Variants in DLG2 observed in about 807,000 individuals in gnomAD.
DLG2 encodes the protein disks large homolog 2.
Under a neutral mutation model 132.5 loss-of-function variants are expected in DLG2, and 45 were observed. That is an observed-to-expected ratio of 0.34 (90% confidence interval 0.27 to 0.44). The LOEUF (loss-of-function observed/expected upper bound fraction) is 0.44. DLG2 is among the 20% of genes least tolerant of loss of function. The pLI, the probability that DLG2 is intolerant of heterozygous loss-of-function variation, is 1.00. For synonymous variants in DLG2, 424 were observed against 419.6 expected (o/e 1.01, Z -0.13); for missense variants, 1,045 against 1,196.9 (o/e 0.87, Z 1.87).
intron 10 of DLG2, among the ~76,000 whole-genome samples, chr11:84,086,262 A>C (rs1221562553): frequency 6.6e-6 from 1 of 152,176 alleles, no homozygotes; most frequent in East Asian, 1.9e-4. Context: ...AGCTTTCTGA[A>C]ACTAGGAAAA....
intron 12 of DLG2, among the ~76,000 whole-genome samples, chr11:83,968,486 T>C (rs905487915): frequency 6.6e-6 from 1 of 152,236 alleles, no homozygotes; most frequent in African/African-American, 2.4e-5. Flanking sequence ...CTGTTATGTG[T>C]CAGACTCTGG....
chr11:85,293,635 C>T (rs1187634155), intron 3 of DLG2, among the ~76,000 whole-genome samples: 2 of 151,998 alleles, frequency 1.3e-5, no homozygotes, highest in Non-Finnish European at 2.9e-5. Flanking sequence ...AAAAGAAAAG[C>T]TTATGAACTA....
intron 7 of DLG2, among the ~76,000 whole-genome samples, chr11:84,371,372 C>T (rs1276469369): frequency 6.6e-6 from 1 of 151,820 alleles, no homozygotes; most frequent in Non-Finnish European, 1.5e-5. Context: ...CCTCCCACCT[C>T]AACCTCCCAA....
intron 6 of DLG2, among the ~76,000 whole-genome samples, chr11:84,693,741 C>T (rs1195208251): frequency 6.6e-6 from 1 of 151,638 alleles, no homozygotes; most frequent in African/African-American, 2.4e-5. Context: ...GAACACTGTA[C>T]TTGCACCATA....
intron 3 of DLG2, among the ~76,000 whole-genome samples, chr11:85,359,388 AT>A (rs2083974612): frequency 6.6e-6 from 1 of 152,246 alleles, no homozygotes; most frequent in South Asian, 2.1e-4. Context: ...AAAGGGAAAA[AT>A]AATTGTATTT....
intron 11 of DLG2, among the ~76,000 whole-genome samples, chr11:83,995,806 C>A (rs778306577): frequency 3.9e-5 from 6 of 152,202 alleles, no homozygotes; most frequent in African/African-American, 1.4e-4. Flanking sequence ...TAACTATTGC[C>A]ATATACAAAA....
chr11:84,689,346 G>A (rs1460743525), intron 6 of DLG2, among the ~76,000 whole-genome samples: 2 of 151,596 alleles, frequency 1.3e-5, no homozygotes, highest in African/African-American at 4.8e-5. Flanking sequence ...TACTTTGAAT[G>A]TATTAATGAA....
chr11:84,797,606 A>G (rs1455619487), intron 6 of DLG2, among the ~76,000 whole-genome samples: 2 of 152,170 alleles, frequency 1.3e-5, no homozygotes, highest in Admixed American at 6.5e-5. Context: ...AAGTTTGTCT[A>G]ATAGGATTGT....
chr11:83,696,133 T>C (rs1400735087), intron 18 of DLG2, among the ~76,000 whole-genome samples: 3 of 152,048 alleles, frequency 2.0e-5, no homozygotes, highest in African/African-American at 7.2e-5. Flanking sequence ...GTGTTGAGGC[T>C]GGGAGCATAG....
At chr11:85,053,051 T>C (rs925631725) in intron 6 of DLG2, among the ~76,000 whole-genome samples, 10 of 152,188 alleles carry the variant, frequency 6.6e-5, no homozygotes, top group Admixed American at 3.9e-4. Flanking sequence ...GCTTTTATTC[T>C]ATCACAAGTA....
chr11:85,214,589 T>C (rs1275089935), intron 4 of DLG2, among the ~76,000 whole-genome samples: 1 of 152,168 alleles, frequency 6.6e-6, no homozygotes, highest in African/African-American at 2.4e-5. Context: ...CACAAGTATC[T>C]ACATCTCTTT....
At chr11:85,154,238 C>T (rs950808388) in intron 5 of DLG2, among the ~76,000 whole-genome samples, 10 of 146,782 alleles carry the variant, frequency 6.8e-5, no homozygotes, top group African/African-American at 2.5e-4. Flanking sequence ...AAATAGTTAA[C>T]ATCTTCTAGG....
intron 19 of DLG2, among the ~76,000 whole-genome samples, chr11:83,615,743 C>A (rs1157882315): frequency 2.0e-5 from 3 of 152,174 alleles, no homozygotes; most frequent in Non-Finnish European, 4.4e-5. Context: ...ATGCAGCAGC[C>A]TCTAGAAGAG....
intron 14 of DLG2, among the ~76,000 whole-genome samples, chr11:83,941,546 C>T (rs575112789): frequency 6.6e-6 from 1 of 152,098 alleles, no homozygotes; most frequent in African/African-American, 2.4e-5. Flanking sequence ...CAGGTGCGTG[C>T]CCTCATGACT....
intron 13 of DLG2, among the ~76,000 whole-genome samples, chr11:83,964,262 G>C (rs77728540): frequency 6.6e-6 from 1 of 150,674 alleles, no homozygotes; most frequent in Non-Finnish European, 1.5e-5. Context: ...CTTCCAGTTT[G>C]AAAAACTCTG....
chr11:85,501,599 A>C (rs764450211), intron 3 of DLG2, among the ~76,000 whole-genome samples: 3 of 152,150 alleles, frequency 2.0e-5, no homozygotes, highest in Admixed American at 6.6e-5. Flanking sequence ...CCATCAAAAA[A>C]TGGGCAAAGG....
chr11:84,208,592 C>T (rs1458849512), intron 8 of DLG2, among the ~76,000 whole-genome samples: 1 of 152,092 alleles, frequency 6.6e-6, no homozygotes, highest in Non-Finnish European at 1.5e-5. Context: ...AATCTGCCCA[C>T]TTGGGCATCC....
intron 6 of DLG2, among the ~76,000 whole-genome samples, chr11:85,017,965 C>A (rs2059712672): frequency 6.6e-6 from 1 of 152,142 alleles, no homozygotes; most frequent in Non-Finnish European, 1.5e-5. Context: ...CTTCATTTCT[C>A]TTGGAAAACT....
intron 4 of DLG2, among the ~76,000 whole-genome samples, chr11:85,184,240 A>T (rs1256582988): frequency 6.6e-6 from 1 of 151,950 alleles, no homozygotes; most frequent in African/African-American, 2.4e-5. Flanking sequence ...CAAAATAGAG[A>T]AAACAGTAGG....
Sources: allele counts gnomAD v4.1 joint callset (sites outside exome capture counted in the v4.1 genomes callset), GRCh38; gene constraint gnomAD v4.1.1; transcripts MANE v1.5; gene names NCBI Gene and HGNC (gene_info 2026-07-23, HGNC 2026-07-21).